The following TUT7 variants were observed in gnomAD, a reference collection of about 807,000 sequenced individuals.
The protein encoded by TUT7 is terminal uridylyl transferase 7, also known as terminal uridylyltransferase 7.
A neutral mutation model predicts 165.9 loss-of-function variants in TUT7; 33 were observed. That is an observed-to-expected ratio of 0.20 (90% CI 0.15 to 0.27). The LOEUF (loss-of-function observed/expected upper bound fraction) is 0.27. TUT7 is among the 10% of genes least tolerant of loss of function. The pLI is 1.00. For synonymous variants in TUT7, 552 were observed against 608.1 expected, an observed-to-expected ratio of 0.91 and a Z score of 1.36; for missense variants, 1,338 against 1,762.3, an observed-to-expected ratio of 0.76 and a Z score of 4.31.
chr9:86,300,267 TA>T (rs1229863925), intron 26 of TUT7, among the ~76,000 whole-genome samples: 1 of 152,042 alleles, frequency 6.6e-6, no homozygotes, highest in Non-Finnish European at 1.5e-5. Flanking sequence ...TCTCCTGTCT[TA>T]AAAAAAGATA....
chr9:86,336,026 G>C (rs544977400), intron 10 of TUT7, among the ~76,000 whole-genome samples: 2 of 152,258 alleles, frequency 1.3e-5, no homozygotes, highest in African/African-American at 4.8e-5. Flanking sequence ...CTCATCACCA[G>C]AAGAGATTTT....
intron 14 of TUT7, among the ~76,000 whole-genome samples, chr9:86,321,177 A>G (rs1258771727): frequency 1.3e-5 from 2 of 150,800 alleles, no homozygotes; most frequent in African/African-American, 4.9e-5. Context: ...ATATGGTGAA[A>G]CCCCATCTCT....
rs145139052 is a variant in TUT7, at chr9:86,322,326, A to G, written c.3027T>C (p.Tyr1009=). The change falls in exon 14 of 27, where the codon TAT becomes TAC. Residue 1009 remains tyrosine, a splice_region_variant and synonymous_variant. Transcript: ENST00000375963. The part of the protein sequence containing the change: ...NILDQVCIQC[Y]KDFSPTIIED... ...TCAAAAGAAATGTGAATAACTTACT[A>G]TAACACTGGATACAGACTTGATCTA... 1.4e-5 allele frequency: 22 copies of G among 1,610,164 alleles called. No homozygotes were observed. The highest frequency in any genetic ancestry group is 3.4e-5 in the Admixed American group (2 of 59,164).
intron 26 of TUT7, among the ~76,000 whole-genome samples, chr9:86,299,959 C>G (rs1826726510): frequency 6.6e-6 from 1 of 152,110 alleles, no homozygotes; most frequent in African/African-American, 2.4e-5. Context: ...TTTAATGAAG[C>G]TGTTGTAAAA....
rs182112346 is a variant in TUT7 at position 86,299,609 on chromosome 9, C to A, written c.4420+1667G>T. Among the ~76,000 whole-genome samples, 407 of 152,266 alleles carry A rather than the reference C, an allele frequency of 2.7e-3. 3 individuals carry two copies. Among genetic ancestry groups the A allele is most frequent in the Non-Finnish European group, 3.2e-3 (217 of 68,014 alleles). ...ACCACATTTCTAGATAAGTGCTCTT[C>A]CTTATGCTTGATAATTCCCCTGCCA... is the stretch of plus-strand genomic sequence containing the variant. On this transcript the variant is annotated intron_variant, in intron 26 of 26. Transcript: ENST00000375963.
At chr9:86,297,955 G>A (rs1026121801) in intron 26 of TUT7, among the ~76,000 whole-genome samples, 11 of 73,824 alleles carry the variant, frequency 1.5e-4, no homozygotes, top group African/African-American at 6.2e-4. Flanking sequence ...TCTGTCTCTC[G>A]AGTTTCCAAT....
intron 4 of TUT7, 41 bp downstream of exon 4, chr9:86,345,628 C>T: frequency 7.0e-7 from 1 of 1,426,044 alleles, no homozygotes; most frequent in Middle Eastern, 1.8e-4. Flanking sequence ...GTAATAACAA[C>T]TAACAAGTAA....
chr9:86,340,339 T>A (rs146951303), intron 7 of TUT7, among the ~76,000 whole-genome samples: 2 of 152,350 alleles, frequency 1.3e-5, no homozygotes, highest in East Asian at 3.9e-4. Context: ...TATAAGTGAC[T>A]ACATCATTGG....
At position 86,328,363 on chromosome 9, in the gene TUT7, C is replaced by A; in HGVS notation, c.1585G>T (p.Glu529Ter). Residue 529 changes from glutamate (E) to a stop codon, truncating the protein, a stop_gained, in exon 11 of 27, where the codon GAA becomes TAA. Transcript: ENST00000375963. LOFTEE classifies it high-confidence loss of function. Reference protein sequence around the residue: ...TGITKEEAPRETPIKRGQVSL... With the variant: ...TGITKEEAPR Reference sequence around the variant, plus strand: ...ACCTGTCCCCTTTTAATCGGCGTTTCTCTTGGTGCCTCTTCTTTTGTTATG... The same window carrying A: ...ACCTGTCCCCTTTTAATCGGCGTTTATCTTGGTGCCTCTTCTTTTGTTATG... 6.2e-7 allele frequency: 1 copy of A among 1,603,354 alleles called. No homozygotes were observed. Among genetic ancestry groups the A allele is most frequent in the Non-Finnish European group, 8.5e-7 (1 of 1,175,406 alleles).
At chr9:86,316,963 C>T (rs950343517) in intron 17 of TUT7, among the ~76,000 whole-genome samples, 4 of 152,086 alleles carry the variant, frequency 2.6e-5, no homozygotes, top group African/African-American at 9.7e-5. Flanking sequence ...ATAGTATTTA[C>T]ACTGTATTAG....
chr9:86,326,908 C>T (rs1829845490), intron 11 of TUT7, among the ~76,000 whole-genome samples: 3 of 152,210 alleles, frequency 2.0e-5, no homozygotes, highest in Admixed American at 1.3e-4. Context: ...AATGGATTTA[C>T]AGCAATAGCT....
chr9:86,353,089 A>G lies in TUT7; in HGVS notation c.111T>C (p.Asp37=). The G allele has an allele frequency of 1.2e-6, 2 of 1,614,028 alleles. No individual in the cohort carries two copies. Among genetic ancestry groups the G allele is most frequent in the Non-Finnish European group, 1.7e-6 (2 of 1,180,012 alleles). ...TACTGCCATGGCCTTTAGCATGGTC[A>G]TCTATTATTAAATAATCTTGTTGGG... ...GHPQQDYLII[D]DHAKGHGSKM... The change falls in exon 2 of 27, where the codon GAT becomes GAC. Residue 37 remains aspartate, a synonymous_variant. Transcript: ENST00000375963.
At chr9:86,343,659 C>T (rs997879938) in intron 5 of TUT7, among the ~76,000 whole-genome samples, 1 of 152,230 alleles carries the variant, frequency 6.6e-6, no homozygotes, top group East Asian at 1.9e-4. Context: ...TAAAAATAAT[C>T]TTTTGACATA....
intron 26 of TUT7, among the ~76,000 whole-genome samples, chr9:86,299,279 A>C (rs948760359): frequency 2.0e-5 from 3 of 152,232 alleles, no homozygotes; most frequent in African/African-American, 7.2e-5. Flanking sequence ...ATTCCTAAAA[A>C]AGAAATTAGC....
intron 13 of TUT7, 40 bp from the exon 14 acceptor site, chr9:86,322,515 TA>T (rs762646363): frequency 6.3e-7 from 1 of 1,575,590 alleles, no homozygotes; most frequent in Non-Finnish European, 8.6e-7. Context: ...CTTAACACTT[TA>T]TTTGCCAAAT....
chr9:86,310,019 T>G lies in TUT7; in HGVS notation c.3379-2A>C. ...TAAAAGCCTTGTGTTATGAAGGGCC[T>G]GTTAAAAGGAAAATAACACTATAAG... On this transcript the variant is annotated splice_acceptor_variant, in intron 18 of 26. Coordinates refer to ENST00000375963, the MANE Select transcript of TUT7 (RefSeq NM_024617.4). LOFTEE classifies it high-confidence loss of function. 1 of 1,611,660 alleles carries G rather than the reference T, an allele frequency of 6.2e-7. No individual in the cohort carries two copies. The highest frequency in any genetic ancestry group is 8.5e-7 in the Non-Finnish European group (1 of 1,178,384).
At chr9:86,302,418 CTG>C (rs1177489175) in intron 25 of TUT7, among the ~76,000 whole-genome samples, 2 of 152,144 alleles carry the variant, frequency 1.3e-5, no homozygotes, top group Non-Finnish European at 2.9e-5. Flanking sequence ...AGAGATGTAA[CTG>C]AGATCCTGAA....
At chr9:86,348,753 AAAAC>A (rs914267889) in intron 2 of TUT7, among the ~76,000 whole-genome samples, 31 of 152,228 alleles carry the variant, frequency 2.0e-4, no homozygotes, top group Admixed American at 3.3e-4. Context: ...CTCTGTCTAA[AAAAC>A]AAACAAACAA....
chr9:86,328,972 T>C (rs1403753574), intron 10 of TUT7, among the ~76,000 whole-genome samples: 2 of 152,208 alleles, frequency 1.3e-5, no homozygotes, highest in African/African-American at 2.4e-5. Context: ...ATACAGCACA[T>C]AGTAACTGCT....
Sources: allele counts gnomAD v4.1 joint callset (sites outside exome capture counted in the v4.1 genomes callset), GRCh38; gene constraint gnomAD v4.1.1; transcripts MANE v1.5; gene names NCBI Gene and HGNC (gene_info 2026-07-23, HGNC 2026-07-21).